KAZN: variants seen among roughly 807,000 people sequenced by gnomAD.
The protein encoded by KAZN is kazrin, periplakin interacting protein.
KAZN carries 40 observed loss-of-function variants against 87.4 expected under a neutral mutation model. The ratio of observed to expected loss-of-function variants is 0.46; its 90% CI spans 0.36 to 0.60. The LOEUF (loss-of-function observed/expected upper bound fraction) is 0.60. Ranked by LOEUF, KAZN falls within the 20% of genes least tolerant of loss-of-function variation. KAZN has a pLI of 0.00. For missense variants in KAZN, 898 were observed against 1,073.9 expected (o/e 0.84, Z 2.29); for synonymous variants, 466 against 458.3 (o/e 1.02, Z -0.22).
At chr1:14,282,466 G>T (rs570020395) in intron 2 of KAZN, among the ~76,000 whole-genome samples, 6 of 152,330 alleles carry the variant, frequency 3.9e-5, no homozygotes, top group African/African-American at 1.4e-4. Flanking sequence ...CAAGCATCTT[G>T]CTCTGCAAGG....
Position 14,483,977 on chromosome 1 carries a change from A to G in KAZN, c.250-115006A>G, listed in dbSNP as rs534256117. Among the ~76,000 whole-genome samples the G allele has an allele frequency of 2.0e-5, 3 of 152,304 alleles. No individual in the cohort carries two copies. The East Asian group carries it at 5.8e-4, about 29-fold the overall frequency. ...TAATGGTCTAATTTGATTCTCCCGC[A>G]TGTGGATATCCAGTTTTTCCAGTAC... is the stretch of plus-strand genomic sequence containing the variant. On this transcript the variant is annotated intron_variant, in intron 2 of 16. Transcript: ENST00000636203.
chr1:13,915,476 C>T (rs1399821384), intron 1 of KAZN, among the ~76,000 whole-genome samples: 1 of 152,172 alleles, frequency 6.6e-6, no homozygotes, highest in Non-Finnish European at 1.5e-5. Flanking sequence ...CACTTTGGGG[C>T]CCATGAACGT....
chr1:14,840,009 T>C (rs1647759488), intron 1 of KAZN, among the ~76,000 whole-genome samples: 1 of 152,256 alleles, frequency 6.6e-6, no homozygotes, highest in African/African-American at 2.4e-5. Flanking sequence ...TCCAGCCAGA[T>C]GCCAAGATAG....
At position 14,837,717 on chromosome 1, in the gene KAZN, A is replaced by AATT. The variant is rs112164362; in HGVS notation, c.227-122945_227-122943dup. On this transcript the variant is annotated intron_variant, in intron 1 of 14. Transcript: ENST00000376030. ...TAGGCATGTGCCACCACCCCTGGAT[A>AATT]ATTATTATTATTATTATTATTATTT... 3.7e-3 allele frequency among the ~76,000 whole-genome samples: 561 copies of AATT among 150,624 alleles called. 1 individual carries two copies. The highest frequency in any genetic ancestry group is 5.3e-3 in the South Asian group (25 of 4,744).
intron 2 of KAZN, among the ~76,000 whole-genome samples, chr1:14,463,044 G>A (rs990856139): frequency 2.6e-5 from 4 of 152,140 alleles, no homozygotes; most frequent in Admixed American, 6.5e-5. Flanking sequence ...GGCAACTTAC[G>A]AGCTCTTGGC....
At chr1:15,005,884 T>C (rs1289850993) in intron 2 of KAZN, among the ~76,000 whole-genome samples, 1 of 152,206 alleles carries the variant, frequency 6.6e-6, no homozygotes, top group Non-Finnish European at 1.5e-5. Context: ...TCCTTTGTGA[T>C]GGGACAGACA....
chr1:14,193,880 G>A (rs890513402), intron 2 of KAZN, among the ~76,000 whole-genome samples: 6 of 152,024 alleles, frequency 3.9e-5, no homozygotes, highest in Admixed American at 1.3e-4. Flanking sequence ...CATAGCAGGC[G>A]GCTGTGTTTT....
chr1:14,016,440 G>A (rs1303028664), intron 1 of KAZN, among the ~76,000 whole-genome samples: 2 of 152,108 alleles, frequency 1.3e-5, no homozygotes, highest in Non-Finnish European at 2.9e-5. Flanking sequence ...GGAAACTGAG[G>A]GACAGTTGAC....
At chr1:14,231,190 G>T (rs1176742129) in intron 2 of KAZN, among the ~76,000 whole-genome samples, 1 of 152,120 alleles carries the variant, frequency 6.6e-6, no homozygotes, top group Non-Finnish European at 1.5e-5. Flanking sequence ...AAGAGATGTT[G>T]ATCCTAGGAA....
intron 2 of KAZN, among the ~76,000 whole-genome samples, chr1:14,478,384 G>A (rs142753378): frequency 7.9e-5 from 12 of 152,242 alleles, no homozygotes; most frequent in African/African-American, 2.9e-4. Flanking sequence ...ATCTATCTAG[G>A]TGGATGGAAA....
intron 2 of KAZN, among the ~76,000 whole-genome samples, chr1:14,466,779 T>C (rs146085607): frequency 0.023 from 3,447 of 151,900 alleles, 55 homozygotes; most frequent in East Asian, 0.026. Flanking sequence ...CCATCCTGGC[T>C]AACACGGTGA....
Position 14,599,861 on chromosome 1 carries a change from G to A in KAZN, c.226+638G>A, listed in dbSNP as rs2148596440. On this transcript the variant is annotated intron_variant, in intron 1 of 14. Transcript: ENST00000376030. The surrounding 1 kb of genome is among the most constrained non-coding windows in gnomAD (Gnocchi z 4.4). ...GAGCACTTTCCAGGGGGATACTGTA[G>A]ACCTCAAAGGTTGAGCGGTAGAGAA... 6.6e-6 allele frequency among the ~76,000 whole-genome samples: 1 copy of A among 152,150 alleles called. No individual in the cohort carries two copies. The highest frequency in any genetic ancestry group is 1.9e-4 in the East Asian group (1 of 5,172).
chr1:15,094,731 C>CT lies in KAZN; in HGVS notation c.1429-84_1429-83insT. 1 of 951,756 alleles carries CT rather than the reference C, an allele frequency of 1.1e-6. No homozygotes were observed. The highest frequency in any genetic ancestry group is 1.6e-6 in the Non-Finnish European group (1 of 626,930). The allele number at this position is 951,756 out of a possible 1,614,324, so 59.0% of individuals were successfully genotyped here. The stretch of plus-strand genomic sequence containing the variant: ...AGGTGGGCAGGAGATGGGGAAGGAG[C>CT]CCCATGTCAACAGACCCCCTCTAGG... On this transcript the variant is annotated intron_variant, in intron 9 of 14. Transcript: ENST00000376030. The surrounding 1 kb of genome is among the most constrained non-coding windows in gnomAD (Gnocchi z 4.5).
At chr1:14,667,741 C>G (rs559821591) in intron 1 of KAZN, among the ~76,000 whole-genome samples, 62 of 151,386 alleles carry the variant, frequency 4.1e-4, no homozygotes, top group Non-Finnish European at 8.2e-4. Flanking sequence ...ACACAGTGTA[C>G]TGAAGTTGAC....
At chr1:14,021,952 G>GATTT (rs1570547198) in intron 1 of KAZN, among the ~76,000 whole-genome samples, 1 of 53,706 alleles carries the variant, frequency 1.9e-5, no homozygotes, top group African/African-American at 6.0e-5. Flanking sequence ...GAATGAACAT[G>GATTT]CTTTTTTTTT....
At chr1:14,402,071 A>G (rs1021974343) in intron 2 of KAZN, among the ~76,000 whole-genome samples, 2 of 126,222 alleles carry the variant, frequency 1.6e-5, no homozygotes, top group African/African-American at 6.0e-5. Flanking sequence ...AGTATTTTCA[A>G]AAGTTATGAG....
At chr1:14,379,098 G>C (rs867096490) in intron 2 of KAZN, among the ~76,000 whole-genome samples, 1 of 148,874 alleles carries the variant, frequency 6.7e-6, no homozygotes, top group Non-Finnish European at 1.5e-5. Context: ...CCATTTCCAG[G>C]CCTGAGCTCC....
At chr1:14,524,585 A>T (rs1671768113) in intron 2 of KAZN, among the ~76,000 whole-genome samples, 1 of 152,208 alleles carries the variant, frequency 6.6e-6, no homozygotes, top group South Asian at 2.1e-4. Context: ...TATGGTGATT[A>T]AGGTACTTGC....
intron 2 of KAZN, among the ~76,000 whole-genome samples, chr1:14,321,476 G>T (rs1459216577): frequency 1.3e-5 from 2 of 152,118 alleles, no homozygotes; most frequent in African/African-American, 2.4e-5. Flanking sequence ...TTACAGAGGG[G>T]CATGCAGCAT....
Sources: gnomAD v4.1 joint callset for allele counts (sites outside exome capture counted in the v4.1 genomes callset) on GRCh38, gnomAD v4.1.1 for gene constraint, Gnocchi (gnomAD v3.1) non-coding constraint, MANE v1.5 for transcripts, NCBI Gene and HGNC (gene_info 2026-07-23, HGNC 2026-07-21) for gene names.